RIC8B: variants seen among roughly 807,000 people sequenced by gnomAD.
RIC8B encodes chaperone Ric-8B.
Under a neutral mutation model 57.5 loss-of-function variants are expected in RIC8B, and 16 were observed. The ratio of observed to expected loss-of-function variants is 0.28; its 90% CI spans 0.19 to 0.42. The LOEUF (loss-of-function observed/expected upper bound fraction) is 0.42, where lower values mean the gene tolerates loss of function less well. Among genes scored for constraint, RIC8B ranks in the 10% least tolerant of loss-of-function variants. The pLI is 1.00. For missense variants in RIC8B, 481 were observed against 677.0 expected, an observed-to-expected ratio of 0.71 and a Z score of 3.21; for synonymous variants, 216 against 250.8, an observed-to-expected ratio of 0.86 and a Z score of 1.31.
intron 4 of RIC8B, among the ~76,000 whole-genome samples, chr12:106,834,983 C>CAAA (rs71072695): frequency 0.14 from 4,417 of 31,302 alleles, 613 homozygotes; most frequent in Non-Finnish European, 0.17. Context: ...GACTCTGTCT[C>CAAA]AAAAAAAAAA....
chr12:106,874,528 G>A, intron 9 of RIC8B: 4 of 1,551,310 alleles, frequency 2.6e-6, no homozygotes, highest in South Asian at 2.4e-5. Flanking sequence ...TAGCAACAGT[G>A]GCCCGTGCCA....
At chr12:106,809,805 T>A (rs1449701260) in intron 2 of RIC8B, among the ~76,000 whole-genome samples, 1 of 152,034 alleles carries the variant, frequency 6.6e-6, no homozygotes, top group Non-Finnish European at 1.5e-5. Context: ...GTATCCATCC[T>A]CTCAAACTTT....
At chr12:106,782,059 T>G (rs1389195573) in intron 1 of RIC8B, among the ~76,000 whole-genome samples, 1 of 152,082 alleles carries the variant, frequency 6.6e-6, no homozygotes. Context: ...AAAAAAATTT[T>G]TATTATGAAA....
Position 106,887,203 on chromosome 12 carries a change from C to CATAT in RIC8B, c.*1194_*1197dup, listed in dbSNP as rs1201973976. On this transcript the variant is annotated 3_prime_UTR_variant, in exon 10 of 10. Transcript: ENST00000392837. ...ATGTATATACACACGTACATACATTCATATATATACATATATACATAATGT... is the reference window on the plus strand; with the variant it reads ...ATGTATATACACACGTACATACATTCATATATATATATACATATATACATAATGT... 1 of 152,392 alleles carries CATAT rather than the reference C, an allele frequency of 6.6e-6. No individual in the cohort carries two copies. 9.4% of individuals were successfully genotyped at this position (152,392 alleles called of 1,614,324 possible).
intron 9 of RIC8B, among the ~76,000 whole-genome samples, chr12:106,878,480 C>A (rs1460366611): frequency 6.6e-6 from 1 of 152,186 alleles, no homozygotes; most frequent in Middle Eastern, 3.2e-3. Flanking sequence ...AGGGCTATCA[C>A]AGGCTCCATC....
rs1401486272 is a variant in RIC8B, at chr12:106,870,866, C to G, written c.1495C>G (p.Pro499Ala). The change falls in exon 9 of 10, where the codon CCC (proline) becomes GCC (alanine). Residue 499 changes from proline to alanine, a missense_variant. By Grantham distance (27) the Pro-to-Ala change is conservative. Around this residue, in one of 3 missense-constraint regions of RIC8B, gnomAD observed 43 missense variants for 99.8 expected, o/e 0.43. Coordinates refer to ENST00000392837, the MANE Select transcript of RIC8B (RefSeq NM_001330145.2). ...TGHLEEPMPNPIDEMTEEQKE... is the reference protein window; with the variant it reads ...TGHLEEPMPNAIDEMTEEQKE... ...TCATTTAGAGGAACCAATGCCAAAC[C>G]CCATAGATGAAATGACAGAAGAACA... The G allele has an allele frequency of 6.5e-7, 1 of 1,543,082 alleles. No individual in the cohort carries two copies. The highest frequency in any genetic ancestry group is 8.8e-7 in the Non-Finnish European group (1 of 1,141,552).
chr12:106,786,093 A>G (rs1190737245), intron 2 of RIC8B, among the ~76,000 whole-genome samples: 1 of 149,638 alleles, frequency 6.7e-6, no homozygotes, highest in Non-Finnish European at 1.5e-5. Context: ...TTGACCTCCT[A>G]CAGCCCTAGG....
rs1369790941 is a variant in RIC8B, at chr12:106,843,955, C to T, written c.1161+8C>T. On this transcript the variant is annotated splice_region_variant and intron_variant, in intron 6 of 9. Transcript: ENST00000392837. ...AAATTTCTCAAAGATCAGGTAACTG[C>T]TTAATGCATATTACATTGCAAAGTT... 2.5e-6 allele frequency: 4 copies of T among 1,578,456 alleles called. No individual in the cohort carries two copies. The highest frequency in any genetic ancestry group is 3.5e-6 in the Non-Finnish European group (4 of 1,147,958).
intron 2 of RIC8B, among the ~76,000 whole-genome samples, chr12:106,799,522 T>G (rs929434617): frequency 6.6e-6 from 1 of 152,236 alleles, no homozygotes; most frequent in Non-Finnish European, 1.5e-5. Context: ...GTGCTTTTTT[T>G]ACTTCAACTA....
At position 106,774,773 on chromosome 12, in the gene RIC8B, G is replaced by A; in HGVS notation, c.28G>A (p.Val10Ile). ...GGATGAGGAGCGCGCCCTCTACATC[G>A]TCCGGGCCGGCGAAGCAGGGGCTAT... Reference protein sequence around the residue: MDEERALYIVRAGEAGAIER... With the variant: MDEERALYIIRAGEAGAIER... Residue 10 changes from valine to isoleucine, a missense_variant, in exon 1 of 10, where the codon GTC (valine) becomes ATC (isoleucine). This residue lies in a region of RIC8B where 421 missense variants were observed against 560.9 expected (regional missense o/e 0.75). Coordinates refer to ENST00000392837, the MANE Select transcript of RIC8B (RefSeq NM_001330145.2). 1.3e-6 allele frequency: 2 copies of A among 1,552,564 alleles called. No homozygotes were observed. The highest frequency in any genetic ancestry group is 1.7e-6 in the Non-Finnish European group (2 of 1,147,424).
chr12:106,821,266 T>C (rs543829284), intron 3 of RIC8B, among the ~76,000 whole-genome samples: 1 of 152,334 alleles, frequency 6.6e-6, no homozygotes, highest in Non-Finnish European at 1.5e-5. Context: ...TTAAGACTTC[T>C]TAAATGATAG....
rs139297385 is a variant in RIC8B, at chr12:106,804,764, A to G, written c.133-9932A>G. Among the ~76,000 whole-genome samples, 485 of 152,000 alleles carry G rather than the reference A, an allele frequency of 3.2e-3. 1 individual carries two copies. The highest frequency in any genetic ancestry group is 5.6e-3 in the Non-Finnish European group (379 of 68,030). On this transcript the variant is annotated intron_variant, in intron 2 of 9. Transcript: ENST00000392837. ...CTGCCCCCGCCAAAGCTGATAAAAG[A>G]GAGAACTCTCCATAAATATAATTCA...
chr12:106,782,442 C>T (rs1028587531), intron 1 of RIC8B, among the ~76,000 whole-genome samples: 3 of 152,200 alleles, frequency 2.0e-5, no homozygotes, highest in Non-Finnish European at 2.9e-5. Flanking sequence ...CCTCACAGGG[C>T]ATTATGTCCT....
chr12:106,843,101 T>G (rs548544208), intron 5 of RIC8B, among the ~76,000 whole-genome samples: 2 of 152,346 alleles, frequency 1.3e-5, no homozygotes, highest in African/African-American at 4.8e-5. Context: ...TGTTCCATTT[T>G]GTTACTTTGT....
chr12:106,851,913 C>T (rs528110793), intron 7 of RIC8B, among the ~76,000 whole-genome samples: 6 of 152,264 alleles, frequency 3.9e-5, no homozygotes, highest in East Asian at 3.9e-4. Flanking sequence ...AGTAATTCAG[C>T]GGCTACTATT....
At chr12:106,852,495 G>T (rs1224810862) in intron 7 of RIC8B, among the ~76,000 whole-genome samples, 1 of 152,150 alleles carries the variant, frequency 6.6e-6, no homozygotes, top group Non-Finnish European at 1.5e-5. Context: ...ACATTAAGAT[G>T]GTATGTTAGT....
At chr12:106,800,042 T>C (rs1566053115) in intron 2 of RIC8B, among the ~76,000 whole-genome samples, 1 of 152,136 alleles carries the variant, frequency 6.6e-6, no homozygotes, top group Non-Finnish European at 1.5e-5. Context: ...CATAACCACT[T>C]CTTTGTATGC....
intron 2 of RIC8B, among the ~76,000 whole-genome samples, chr12:106,786,429 G>A (rs575380877): frequency 2.0e-5 from 3 of 152,236 alleles, no homozygotes; most frequent in South Asian, 2.1e-4. Flanking sequence ...GATTACAGGC[G>A]TGAGCCACCG....
intron 3 of RIC8B, chr12:106,822,127 G>T (rs1006394720): frequency 6.7e-5 from 10 of 149,316 alleles, no homozygotes; most frequent in African/African-American, 2.5e-4. Flanking sequence ...AAAGCAAAGG[G>T]CTTGAACAGG....
Sources: gnomAD v4.1 joint callset for allele counts (sites outside exome capture counted in the v4.1 genomes callset) on GRCh38, gnomAD v4.1.1 for gene constraint, gnomAD v4.1.1 regional missense constraint, MANE v1.5 for transcripts, NCBI Gene and HGNC (gene_info 2026-07-23, HGNC 2026-07-21) for gene names.